The following CCDC12 variants were observed in gnomAD, a reference collection of about 807,000 sequenced individuals.
The protein encoded by CCDC12 is coiled-coil domain containing 12, also known as coiled-coil domain-containing protein 12.
A neutral mutation model predicts 25.7 loss-of-function variants in CCDC12; 28 were observed. That is an observed-to-expected ratio of 1.09 (90% CI 0.81 to 1.50). The LOEUF (loss-of-function observed/expected upper bound fraction) is 1.50. Ranked by LOEUF, CCDC12 falls within the 40% of genes most tolerant of loss-of-function variation. CCDC12 has a pLI of 0.00. For synonymous variants in CCDC12, 75 were observed against 87.7 expected (o/e 0.86, Z 0.81); for missense variants, 198 against 210.0 (o/e 0.94, Z 0.35).
chr3:46,976,868 A>G, upstream of CCDC12: 1 of 1,389,046 alleles, frequency 7.2e-7, no homozygotes, highest in Non-Finnish European at 9.5e-7. Context: ...ATGCGGGGTT[A>G]TTATGGGCGA....
intron 1 of CCDC12, among the ~76,000 whole-genome samples, chr3:46,971,488 A>C (rs1227290951): frequency 6.6e-6 from 1 of 152,226 alleles, no homozygotes; most frequent in African/African-American, 2.4e-5. Context: ...AGGTGGGCTG[A>C]CCAGGACGTC....
chr3:46,951,010 G>A (rs1252051512), intron 1 of CCDC12, among the ~76,000 whole-genome samples: 1 of 152,128 alleles, frequency 6.6e-6, no homozygotes, highest in African/African-American at 2.4e-5. Flanking sequence ...GGAGGCCGAG[G>A]CGGGTCCCAA....
intron 2 of CCDC12, among the ~76,000 whole-genome samples, chr3:46,939,900 G>C (rs1323856875): frequency 6.6e-6 from 1 of 152,130 alleles, no homozygotes; most frequent in Non-Finnish European, 1.5e-5. Context: ...GCTCTGGTGT[G>C]GCTGCCCAGC....
chr3:46,956,639 T>C (rs964531776), intron 1 of CCDC12, among the ~76,000 whole-genome samples: 24 of 152,098 alleles, frequency 1.6e-4, no homozygotes, highest in African/African-American at 5.6e-4. Context: ...CTGGGAAACA[T>C]GGTGAAACCC....
At chr3:46,924,666 G>T (rs369105256) in intron 3 of CCDC12, among the ~76,000 whole-genome samples, 1 of 152,234 alleles carries the variant, frequency 6.6e-6, no homozygotes. Flanking sequence ...TGGCCGACAT[G>T]GTGAAACCCT....
At chr3:46,923,297 G>C (rs781063274) in intron 5 of CCDC12, 32 bp downstream of exon 5, 2 of 1,472,174 alleles carry the variant, frequency 1.4e-6, no homozygotes, top group Non-Finnish European at 1.8e-6. Flanking sequence ...CCCCGAGTCA[G>C]CCTGCACCCG....
chr3:46,959,929 G>A (rs971624316), intron 1 of CCDC12, among the ~76,000 whole-genome samples: 1 of 152,060 alleles, frequency 6.6e-6, no homozygotes. Context: ...ATGCAGCCTG[G>A]GACAAAGCCC....
upstream of CCDC12, among the ~76,000 whole-genome samples, chr3:46,978,380 T>C (rs2035074086): frequency 6.6e-6 from 1 of 152,136 alleles, no homozygotes; most frequent in African/African-American, 2.4e-5. Flanking sequence ...TCTGTTGTCT[T>C]GGCCAACCAA....
chr3:46,960,903 G>A (rs556072426), intron 1 of CCDC12, among the ~76,000 whole-genome samples: 2 of 152,140 alleles, frequency 1.3e-5, no homozygotes, highest in East Asian at 3.9e-4. Context: ...GTTTTGAGGT[G>A]TGTATGAGAT....
intron 1 of CCDC12, among the ~76,000 whole-genome samples, chr3:46,965,326 G>C (rs778437415): frequency 6.6e-6 from 1 of 152,168 alleles, no homozygotes; most frequent in African/African-American, 2.4e-5. Context: ...TCAACCAAAC[G>C]GGAGACTGTG....
At chr3:46,935,068 G>C (rs1262599302) in intron 2 of CCDC12, among the ~76,000 whole-genome samples, 2 of 152,210 alleles carry the variant, frequency 1.3e-5, no homozygotes, top group Admixed American at 6.5e-5. Flanking sequence ...CCTTAGCTGG[G>C]GTGGGAAGTC....
chr3:46,978,820 A>G (rs2035104002), upstream of CCDC12, among the ~76,000 whole-genome samples: 1 of 152,146 alleles, frequency 6.6e-6, no homozygotes, highest in South Asian at 2.1e-4. Context: ...CGTCTCTACT[A>G]AAAATACAAA....
intron 1 of CCDC12, among the ~76,000 whole-genome samples, chr3:46,948,610 G>A (rs930173174): frequency 2.0e-5 from 3 of 152,370 alleles, no homozygotes; most frequent in East Asian, 1.9e-4. Context: ...AAGGCCTGAC[G>A]AAGGTTGGTG....
At chr3:46,938,367 A>G (rs1300999313) in intron 2 of CCDC12, among the ~76,000 whole-genome samples, 3 of 152,166 alleles carry the variant, frequency 2.0e-5, no homozygotes, top group Non-Finnish European at 2.9e-5. Flanking sequence ...GGAACTACAC[A>G]TGCCCTTTGG....
intron 1 of CCDC12, among the ~76,000 whole-genome samples, chr3:46,942,375 CTT>C (rs1206255505): frequency 6.6e-6 from 1 of 152,248 alleles, no homozygotes; most frequent in Non-Finnish European, 1.5e-5. Context: ...AGCGTCCTGC[CTT>C]TGACTCTCGC....
intron 1 of CCDC12, among the ~76,000 whole-genome samples, chr3:46,964,189 C>T (rs1205276557): frequency 6.7e-6 from 1 of 148,824 alleles, no homozygotes; most frequent in East Asian, 2.0e-4. Flanking sequence ...GCAGCCGCCC[C>T]GTCTGAGAAG....
chr3:46,936,792 C>T (rs942837236), intron 2 of CCDC12, among the ~76,000 whole-genome samples: 1 of 152,206 alleles, frequency 6.6e-6, no homozygotes, highest in African/African-American at 2.4e-5. Context: ...AGGCAGGGGA[C>T]ACTGAGTGAC....
chr3:46,975,822 G>C (rs909180068), intron 1 of CCDC12, among the ~76,000 whole-genome samples: 1 of 143,596 alleles, frequency 7.0e-6, no homozygotes, highest in Non-Finnish European at 1.5e-5. Context: ...ACCGCGCCCG[G>C]CTAAATCTTT....
chr3:46,965,771 CCTTA>C (rs1451906208), intron 1 of CCDC12, among the ~76,000 whole-genome samples: 4 of 152,164 alleles, frequency 2.6e-5, no homozygotes, highest in African/African-American at 4.8e-5. Context: ...GTGTTTGGTC[CCTTA>C]CTTCTCCACA....
Sources: allele counts gnomAD v4.1 joint callset (sites outside exome capture counted in the v4.1 genomes callset), GRCh38; gene constraint gnomAD v4.1.1; transcripts MANE v1.5; gene names NCBI Gene and HGNC (gene_info 2026-07-23, HGNC 2026-07-21).